FOXK1: variants seen among roughly 807,000 people sequenced by gnomAD.
The protein encoded by FOXK1 is forkhead box K1.
FOXK1 carries 19 observed loss-of-function variants against 51.9 expected under a neutral mutation model. The ratio of observed to expected loss-of-function variants is 0.37; its 90% CI spans 0.26 to 0.54. The LOEUF (loss-of-function observed/expected upper bound fraction) is 0.54. Ranked by LOEUF, FOXK1 falls within the 20% of genes least tolerant of loss-of-function variation. The pLI, the probability that FOXK1 is intolerant of heterozygous loss-of-function variation, is 0.87. For missense variants in FOXK1, 870 were observed against 1,032.7 expected, an observed-to-expected ratio of 0.84 and a Z score of 2.16; for synonymous variants, 537 against 482.6, an observed-to-expected ratio of 1.11 and a Z score of -1.48.
intron 1 of FOXK1, among the ~76,000 whole-genome samples, chr7:4,691,493 C>G (rs1779890977): frequency 6.6e-6 from 1 of 152,106 alleles, no homozygotes. Flanking sequence ...TGCCACCACG[C>G]CCAGCTAATT....
chr7:4,684,118 T>A (rs994147043), intron 1 of FOXK1, among the ~76,000 whole-genome samples: 1 of 152,204 alleles, frequency 6.6e-6, no homozygotes, highest in Admixed American at 6.5e-5. Flanking sequence ...CCGCACCCTC[T>A]GCTCTGCCCC....
rs1455938061 is a variant in FOXK1 at position 4,758,753 on chromosome 7, C to G, written c.1245-298C>G. 1.9e-5 allele frequency: 7 copies of G among 373,048 alleles called. No individual in the cohort carries two copies. The highest frequency in any genetic ancestry group is 3.4e-5 in the Non-Finnish European group (7 of 207,656). 23.1% of individuals were successfully genotyped at this position (373,048 alleles called of 1,614,324 possible). ...AGAAGGCCTGGGCCATTTTCATGGA[C>G]ACCTGGCTGGACCTCGGTGGAAGTG... On this transcript the variant is annotated intron_variant, in intron 5 of 8. Transcript: ENST00000328914. This position sits in a 1 kb window ranked among gnomAD's most constrained non-coding sequence, Gnocchi z 4.4.
intron 1 of FOXK1, among the ~76,000 whole-genome samples, chr7:4,739,278 G>A (rs530944295): frequency 6.6e-6 from 1 of 152,164 alleles, no homozygotes; most frequent in African/African-American, 2.4e-5. Flanking sequence ...CATTATCACC[G>A]GTGGCTTATG....
chr7:4,682,490 C>G lies in FOXK1; in HGVS notation c.182C>G (p.Pro61Arg), dbSNP rs1779760516. The change falls in exon 1 of 9, where the codon CCT (proline) becomes CGT (arginine). Residue 61 changes from proline to arginine, a missense_variant. Physicochemically the swap from Pro to Arg is moderately radical, Grantham distance 103 (BLOSUM62 -2). This residue lies in a region of FOXK1 where 399 missense variants were observed against 475.6 expected (regional missense o/e 0.84). Coordinates refer to ENST00000328914, the MANE Select transcript of FOXK1 (RefSeq NM_001037165.2). This position sits in a 1 kb window ranked among gnomAD's most constrained non-coding sequence, Gnocchi z 7.6. ...CCGCCGCCGCCGCCACCGCCGCTGC[C>G]TCCGGGCGCGATCGCGGGCGCGGGC... ...GPPPPPPPPL[P>R]PGAIAGAGSS... The G allele has an allele frequency of 2.0e-6, 2 of 1,011,274 alleles. No homozygotes were observed. The highest frequency in any genetic ancestry group is 3.5e-5 in the African/African-American group (2 of 57,338). The allele number at this position is 1,011,274 out of a possible 1,614,324, so 62.6% of individuals were successfully genotyped here. A position where few individuals can be genotyped will look rare whatever the true frequency, so the allele number is the denominator to read the frequency against.
At chr7:4,741,150 GTGT>G (rs1196708715) in intron 2 of FOXK1, 127 bp downstream of exon 2, 1 of 641,082 alleles carries the variant, frequency 1.6e-6, no homozygotes, top group Non-Finnish European at 2.4e-6. Flanking sequence ...AATACAGAAA[GTGT>G]TGTACGTCCA....
Position 4,743,721 on chromosome 7 carries a change from G to T in FOXK1, c.746+2698G>T, listed in dbSNP as rs1780664713. Among the ~76,000 whole-genome samples the T allele has an allele frequency of 6.6e-6, 1 of 152,164 alleles. No individual in the cohort carries two copies. On this transcript the variant is annotated intron_variant, in intron 2 of 8. Transcript: ENST00000328914. This position sits in a 1 kb window ranked among gnomAD's most constrained non-coding sequence, Gnocchi z 5.3. ...TGGAAGCTCACACCAGAAGAGGCTGGTCCTGCTGCTTTTGGGGCGGGTAGC... is the reference window on the plus strand; with the variant it reads ...TGGAAGCTCACACCAGAAGAGGCTGTTCCTGCTGCTTTTGGGGCGGGTAGC...
rs1370204394 is a variant in FOXK1 at position 4,707,752 on chromosome 7, G to A, written c.560+24884G>A. ...CAGGCTGGAGTGCAGTGGCACGATC[G>A]TGGCTCTCTGCAACCTCCGCCTCCT... On this transcript the variant is annotated intron_variant, in intron 1 of 8. Coordinates refer to ENST00000328914, the MANE Select transcript of FOXK1 (RefSeq NM_001037165.2). The surrounding 1 kb of genome is among the most constrained non-coding windows in gnomAD (Gnocchi z 4.1). 2.0e-5 allele frequency among the ~76,000 whole-genome samples: 3 copies of A among 151,216 alleles called. No homozygotes were observed. Among genetic ancestry groups the A allele is most frequent in the Non-Finnish European group, 2.9e-5 (2 of 67,900 alleles).
rs1196859331 is a variant in FOXK1 at position 4,749,439 on chromosome 7, C to T, written c.747-5020C>T. Among the ~76,000 whole-genome samples the T allele has an allele frequency of 2.0e-5, 3 of 152,190 alleles. No homozygotes were observed. The highest frequency in any genetic ancestry group is 2.9e-5 in the Non-Finnish European group (2 of 68,012). ...TGGAGCAGGGGCTGGGGCAGGGACC[C>T]CAAGCGTCCTCCTCTGCAGGGAGGT... On this transcript the variant is annotated intron_variant, in intron 2 of 8. Transcript: ENST00000328914. The surrounding 1 kb of genome is among the most constrained non-coding windows in gnomAD (Gnocchi z 6.0).
In FOXK1 at chr7:4,747,347, C is replaced by T. The variant is rs138103077; in HGVS notation, c.746+6324C>T. The stretch of plus-strand genomic sequence containing the variant: ...CCCGGAACCTGCCTAGCTGCGGGGC[C>T]GCCTCTCCGCTCAAGCACCCACTCA... On this transcript the variant is annotated intron_variant, in intron 2 of 8. Transcript: ENST00000328914. The surrounding 1 kb of genome is among the most constrained non-coding windows in gnomAD (Gnocchi z 9.2). Among the ~76,000 whole-genome samples the T allele has an allele frequency of 5.5e-4, 83 of 152,292 alleles. No individual in the cohort carries two copies. The highest frequency in any genetic ancestry group is 1.9e-3 in the African/African-American group (77 of 41,564).
Position 4,759,559 on chromosome 7 carries a change from G to A in FOXK1, c.1660G>A (p.Gly554Ser). 7 of 1,541,048 alleles carry A rather than the reference G, an allele frequency of 4.5e-6. No homozygotes were observed. Among genetic ancestry groups the A allele is most frequent in the Non-Finnish European group, 6.1e-6 (7 of 1,149,096 alleles). ...GAAGGSHDAA[G>S]AAVLDLGSEA... is the part of the protein sequence containing the mutation. The stretch of plus-strand genomic sequence containing the variant: ...GGCGGGGGGCTCCCATGATGCGGCG[G>A]GCGCAGCCGTGCTGGACCTGGGCAG... Residue 554 changes from glycine (G) to serine (S), a missense_variant, in exon 7 of 9, where the codon GGC (glycine) becomes AGC (serine). By Grantham distance (56) the Gly-to-Ser change is moderately conservative. This residue lies in a region of FOXK1 where 457 missense variants were observed against 510.8 expected (regional missense o/e 0.89). Coordinates refer to ENST00000328914, the MANE Select transcript of FOXK1 (RefSeq NM_001037165.2).
intron 2 of FOXK1, among the ~76,000 whole-genome samples, chr7:4,741,389 C>T (rs145011775): frequency 0.028 from 4,184 of 152,094 alleles, 116 homozygotes; most frequent in Admixed American, 0.079. Flanking sequence ...AGAGCAGTGG[C>T]GCGATCTCGG....
chr7:4,714,472 G>T (rs1013328031), intron 1 of FOXK1, among the ~76,000 whole-genome samples: 28 of 152,020 alleles, frequency 1.8e-4, no homozygotes, highest in Admixed American at 1.7e-3. Context: ...ACCGGGTTTC[G>T]CCACATTGCC....
rs1289835390 is a variant in FOXK1, at chr7:4,683,054, C to T, written c.560+186C>T. ...ACCCCGACCCCCGCCTCCTGGCTCC[C>T]TAGGATCACCCCGACCCCGATCCTG... On this transcript the variant is annotated intron_variant, in intron 1 of 8. Coordinates refer to ENST00000328914, the MANE Select transcript of FOXK1 (RefSeq NM_001037165.2). This position sits in a 1 kb window ranked among gnomAD's most constrained non-coding sequence, Gnocchi z 4.5. Among the ~76,000 whole-genome samples the T allele has an allele frequency of 1.3e-5, 2 of 150,084 alleles. No individual in the cohort carries two copies. Among genetic ancestry groups the T allele is most frequent in the African/African-American group, 2.5e-5 (1 of 40,804 alleles).
intron 7 of FOXK1, 123 bp downstream of exon 7, chr7:4,759,718 C>A: frequency 8.7e-7 from 1 of 1,150,328 alleles, no homozygotes. Context: ...CTGCTTCTGC[C>A]TCTCGCTGCC....
rs1780857637 is a variant in FOXK1, at chr7:4,756,711, G to A, written c.1051-283G>A. ...ACCCGGGAGGCGGAACTTGCAGTGA[G>A]CCGAGATCGTGCCACTGCACTCCAT... On this transcript the variant is annotated intron_variant, in intron 4 of 8. Coordinates refer to ENST00000328914, the MANE Select transcript of FOXK1 (RefSeq NM_001037165.2). The surrounding 1 kb of genome is among the most constrained non-coding windows in gnomAD (Gnocchi z 4.1). Among the ~76,000 whole-genome samples the A allele has an allele frequency of 6.6e-6, 1 of 151,594 alleles. No homozygotes were observed. Among genetic ancestry groups the A allele is most frequent in the African/African-American group, 2.4e-5 (1 of 41,288 alleles).
Position 4,707,323 on chromosome 7 carries a change from A to G in FOXK1, c.560+24455A>G, listed in dbSNP as rs995990068. On this transcript the variant is annotated intron_variant, in intron 1 of 8. Coordinates refer to ENST00000328914, the MANE Select transcript of FOXK1 (RefSeq NM_001037165.2). The surrounding 1 kb of genome is among the most constrained non-coding windows in gnomAD (Gnocchi z 4.1). ...ATTTCAGGGAAAACTCTTGTGATGA[A>G]TGGGCCATCCGGGATAAACAGATGG... Among the ~76,000 whole-genome samples, 1 of 152,202 alleles carries G rather than the reference A, an allele frequency of 6.6e-6. No individual in the cohort carries two copies. The highest frequency in any genetic ancestry group is 2.4e-5 in the African/African-American group (1 of 41,444).
In FOXK1 at chr7:4,770,883, G is replaced by C. The variant is rs548028158; in HGVS notation, c.*8419G>C. On this transcript the variant is annotated 3_prime_UTR_variant, in exon 9 of 9. Transcript: ENST00000328914. ...TTGTTCGGTGTGTGTGTGTGTGTGT[G>C]TGTGTGTGTGTGTGTGTGTATTTTT... The C allele has an allele frequency of 6.6e-6, 1 of 150,540 alleles. No homozygotes were observed. The highest frequency in any genetic ancestry group is 1.5e-5 in the Non-Finnish European group (1 of 67,942). The allele number at this position is 150,540 out of a possible 1,614,324, so 9.3% of individuals were successfully genotyped here. A position where few individuals can be genotyped will look rare whatever the true frequency, so the allele number is the denominator to read the frequency against.
Position 4,762,054 on chromosome 7 carries a change from C to A in FOXK1, c.1922-130C>A. 9.3e-7 allele frequency: 1 copy of A among 1,080,360 alleles called. No homozygotes were observed. The highest frequency in any genetic ancestry group is 1.6e-5 in the South Asian group (1 of 63,374). The allele number at this position is 1,080,360 out of a possible 1,614,324, so 66.9% of individuals were successfully genotyped here. A position where few individuals can be genotyped will look rare whatever the true frequency, so the allele number is the denominator to read the frequency against. On this transcript the variant is annotated intron_variant, in intron 8 of 8. Transcript: ENST00000328914. This position sits in a 1 kb window ranked among gnomAD's most constrained non-coding sequence, Gnocchi z 5.7. ...CCGCAGGGAGCAGAGCAAGGGTAGC[C>A]GTCCTGCCTGGCAGGGGTGCACTGA...
chr7:4,682,741 T>A lies in FOXK1; in HGVS notation c.433T>A (p.Ser145Thr). The change falls in exon 1 of 9, where the codon TCG becomes ACG. Residue 145 changes from serine to threonine, a missense_variant. Physicochemically the swap from Ser to Thr is moderately conservative, Grantham distance 58. Coordinates refer to ENST00000328914, the MANE Select transcript of FOXK1 (RefSeq NM_001037165.2). This position sits in a 1 kb window ranked among gnomAD's most constrained non-coding sequence, Gnocchi z 7.6. ...GAGCATGGGCCTGTCCAGCTTCATC[T>A]CGCGGCGCCACCTGCAGCTCAGCTT... is the stretch of plus-strand genomic sequence containing the variant. ...DLSMGLSSFI[S>T]RRHLQLSFQE... is the part of the protein sequence containing the mutation. 1 of 1,602,884 alleles carries A rather than the reference T, an allele frequency of 6.2e-7. No individual in the cohort carries two copies.
Sources: allele counts gnomAD v4.1 joint callset (sites outside exome capture counted in the v4.1 genomes callset), GRCh38; gene constraint gnomAD v4.1.1; regional missense constraint gnomAD v4.1.1; non-coding constraint Gnocchi (gnomAD v3.1); transcripts MANE v1.5; gene names NCBI Gene and HGNC (gene_info 2026-07-23, HGNC 2026-07-21).